The following PRKCA variants were observed in gnomAD, a reference collection of about 807,000 sequenced individuals.
The protein encoded by PRKCA is protein kinase C alpha type.
PRKCA carries 27 observed loss-of-function variants against 87.0 expected under a neutral mutation model. That is an observed-to-expected ratio of 0.31 (90% CI 0.23 to 0.43). PRKCA has a LOEUF of 0.43. Ranked by LOEUF, PRKCA falls within the 20% of genes least tolerant of loss-of-function variation. PRKCA has a pLI of 1.00. For synonymous variants in PRKCA, 329 were observed against 311.1 expected (o/e 1.06, Z -0.61); for missense variants, 518 against 852.3 (o/e 0.61, Z 4.88).
At chr17:66,521,568 T>C (rs1015857365) in intron 3 of PRKCA, among the ~76,000 whole-genome samples, 1 of 152,248 alleles carries the variant, frequency 6.6e-6, no homozygotes, top group Admixed American at 6.5e-5. Context: ...ACTTTTTTTT[T>C]CCTTTCTGGC....
intron 3 of PRKCA, among the ~76,000 whole-genome samples, chr17:66,502,859 C>T (rs1916803134): frequency 6.6e-6 from 1 of 151,892 alleles, no homozygotes. Flanking sequence ...CAGGGTTTCA[C>T]CATGTTAGCC....
At chr17:66,592,428 A>C (rs531963046) in intron 3 of PRKCA, among the ~76,000 whole-genome samples, 90 of 152,148 alleles carry the variant, frequency 5.9e-4, no homozygotes, top group Non-Finnish European at 1.1e-3. Flanking sequence ...CTCCTCAAAA[A>C]ATAGAAAAAG....
At chr17:66,789,681 A>G (rs947367246) in intron 16 of PRKCA, among the ~76,000 whole-genome samples, 9 of 152,242 alleles carry the variant, frequency 5.9e-5, no homozygotes, top group African/African-American at 2.2e-4. Flanking sequence ...AAACAGTCAC[A>G]GAGAGGCTGA....
intron 3 of PRKCA, among the ~76,000 whole-genome samples, chr17:66,505,392 G>A (rs1430267545): frequency 6.6e-6 from 1 of 152,096 alleles, no homozygotes; most frequent in Non-Finnish European, 1.5e-5. Context: ...GAAAAAATGC[G>A]CGACGTAATT....
At chr17:66,332,718 G>A (rs1012353380) in intron 2 of PRKCA, among the ~76,000 whole-genome samples, 6 of 147,646 alleles carry the variant, frequency 4.1e-5, no homozygotes, top group East Asian at 2.0e-4. Flanking sequence ...TTGAGATGGA[G>A]TCTCGCTCTG....
At chr17:66,604,132 CT>C (rs1970140664) in intron 3 of PRKCA, among the ~76,000 whole-genome samples, 1 of 152,000 alleles carries the variant, frequency 6.6e-6, no homozygotes, top group Non-Finnish European at 1.5e-5. Context: ...CAGAATTTTG[CT>C]GTTAGGAGCC....
chr17:66,486,412 G>A (rs887308320), intron 2 of PRKCA, among the ~76,000 whole-genome samples: 6 of 152,148 alleles, frequency 3.9e-5, no homozygotes, highest in Non-Finnish European at 8.8e-5. Context: ...TAAGTGTGTG[G>A]CTTCTGGGCC....
chr17:66,810,105 C>T lies in PRKCA; in HGVS notation c.*6068C>T, dbSNP rs1415277938. ...CTTTTCAGAAAATAGGTGTCAAGTC[C>T]ACTTTATAAGAACCTTTTTTTCTAA... On this transcript the variant is annotated 3_prime_UTR_variant, in exon 17 of 17. Transcript: ENST00000413366. The T allele has an allele frequency of 6.6e-6, 1 of 152,216 alleles. No homozygotes were observed. Among genetic ancestry groups the T allele is most frequent in the Non-Finnish European group, 1.5e-5 (1 of 68,040 alleles). 9.4% of individuals were successfully genotyped at this position (152,216 alleles called of 1,614,324 possible). A position where few individuals can be genotyped will look rare whatever the true frequency, so the allele number is the denominator to read the frequency against.
At chr17:66,683,416 G>T (rs546001689) in intron 5 of PRKCA, among the ~76,000 whole-genome samples, 2 of 152,304 alleles carry the variant, frequency 1.3e-5, no homozygotes, top group African/African-American at 4.8e-5. Flanking sequence ...AGACTCACCT[G>T]GGGAGCTTAA....
chr17:66,347,941 C>CTGTTTTTTTTTTTT (rs1907495920), intron 2 of PRKCA, among the ~76,000 whole-genome samples: 1 of 56,440 alleles, frequency 1.8e-5, no homozygotes, highest in Non-Finnish European at 3.3e-5. Flanking sequence ...AATTCTGAAC[C>CTGTTTTTTTTTTTT]TTTTTTTTTT....
intron 2 of PRKCA, among the ~76,000 whole-genome samples, chr17:66,439,187 C>CT (rs139989088): frequency 0.17 from 25,714 of 151,012 alleles, 2,234 homozygotes; most frequent in Middle Eastern, 0.25. Context: ...TCTTTTCTTT[C>CT]TTTTTTTTAT....
intron 15 of PRKCA, among the ~76,000 whole-genome samples, chr17:66,788,053 G>A (rs1321468320): frequency 2.0e-5 from 3 of 152,238 alleles, no homozygotes; most frequent in African/African-American, 7.2e-5. Context: ...ACACACTTTG[G>A]TTGAGGAAAT....
chr17:66,617,004 AAAT>A (rs888702988), intron 3 of PRKCA, among the ~76,000 whole-genome samples: 1 of 152,178 alleles, frequency 6.6e-6, no homozygotes, highest in African/African-American at 2.4e-5. Flanking sequence ...TGTTAAAAAT[AAAT>A]AAGTTCCTCG....
rs541925865 is a variant in PRKCA at position 66,640,934 on chromosome 17, G to A, written c.289-421G>A. On this transcript the variant is annotated intron_variant, in intron 3 of 16. Transcript: ENST00000413366. The stretch of plus-strand genomic sequence containing the variant: ...CCAGCACTTTGGGAGGCCAAGGCTG[G>A]TGCATCACCTGAGGTCAGGAGTTCG... 17 of 385,510 alleles carry A rather than the reference G, an allele frequency of 4.4e-5. No homozygotes were observed. In the Admixed American group the frequency reaches 5.2e-4, roughly 12 times the overall value. The allele number at this position is 385,510 out of a possible 1,614,324, so 23.9% of individuals were successfully genotyped here.
chr17:66,328,729 C>T (rs959470135), intron 2 of PRKCA, among the ~76,000 whole-genome samples: 6 of 152,052 alleles, frequency 3.9e-5, no homozygotes, highest in Admixed American at 2.0e-4. Context: ...ATCTGGGAGG[C>T]GGAGGTTGCA....
intron 3 of PRKCA, among the ~76,000 whole-genome samples, chr17:66,640,552 T>C (rs138449460): frequency 2.0e-5 from 3 of 152,238 alleles, no homozygotes; most frequent in African/African-American, 4.8e-5. Context: ...AGCAGGAAAA[T>C]GTACCTGTCA....
At chr17:66,390,849 G>A (rs1018145893) in intron 2 of PRKCA, among the ~76,000 whole-genome samples, 5 of 152,136 alleles carry the variant, frequency 3.3e-5, no homozygotes, top group Non-Finnish European at 7.3e-5. Flanking sequence ...AGGGAGGGCG[G>A]TGCAGACTGA....
intron 14 of PRKCA, among the ~76,000 whole-genome samples, chr17:66,782,041 G>A (rs1000664385): frequency 3.9e-5 from 6 of 151,932 alleles, no homozygotes; most frequent in Middle Eastern, 3.4e-3. Flanking sequence ...AGCCTCCCAG[G>A]TAGCAGGGAC....
intron 3 of PRKCA, among the ~76,000 whole-genome samples, chr17:66,566,650 A>G (rs1033214965): frequency 3.3e-5 from 5 of 152,136 alleles, no homozygotes; most frequent in African/African-American, 1.2e-4. Flanking sequence ...AGCATGAAAT[A>G]TAATCATTTA....
Sources: allele counts gnomAD v4.1 joint callset (sites outside exome capture counted in the v4.1 genomes callset), GRCh38; gene constraint gnomAD v4.1.1; transcripts MANE v1.5; gene names NCBI Gene and HGNC (gene_info 2026-07-23, HGNC 2026-07-21).